Variants in NRXN1 observed in about 807,000 individuals in gnomAD.
NRXN1 encodes neurexin 1.
NRXN1 carries 39 observed loss-of-function variants against 150.9 expected under a neutral mutation model. That is an observed-to-expected ratio of 0.26 (90% CI 0.20 to 0.34). The LOEUF is 0.34. Among genes scored for constraint, NRXN1 ranks in the 10% least tolerant of loss-of-function variants. NRXN1 has a pLI of 1.00. For missense variants in NRXN1, 1,815 were observed against 1,949.9 expected (o/e 0.93, Z 1.30); for synonymous variants, 924 against 757.0 (o/e 1.22, Z -3.62).
intron 5 of NRXN1, among the ~76,000 whole-genome samples, chr2:50,692,628 C>T (rs948826503): frequency 2.6e-5 from 4 of 152,102 alleles, no homozygotes; most frequent in African/African-American, 9.7e-5. Context: ...CAACAAAAAG[C>T]TATTTTTGTA....
chr2:50,001,183 T>G (rs1248520716), intron 21 of NRXN1, among the ~76,000 whole-genome samples: 1 of 152,140 alleles, frequency 6.6e-6, no homozygotes, highest in Non-Finnish European at 1.5e-5. Context: ...ATCTCTAATT[T>G]CAGATTTCAG....
intron 2 of NRXN1, among the ~76,000 whole-genome samples, chr2:50,926,213 A>G (rs1457485679): frequency 6.6e-6 from 1 of 151,976 alleles, no homozygotes; most frequent in Non-Finnish European, 1.5e-5. Flanking sequence ...AAATCTTTCA[A>G]CTACCCAGTA....
intron 18 of NRXN1, among the ~76,000 whole-genome samples, chr2:50,100,453 T>G (rs2152709366): frequency 6.6e-6 from 1 of 152,222 alleles, no homozygotes; most frequent in South Asian, 2.1e-4. Context: ...TTTAGTCCAC[T>G]AAGTGACTGG....
At chr2:50,674,212 G>C (rs902361633) in intron 5 of NRXN1, among the ~76,000 whole-genome samples, 5 of 152,160 alleles carry the variant, frequency 3.3e-5, no homozygotes, top group Non-Finnish European at 7.3e-5. Context: ...ATATTGCCTG[G>C]AAGGGTAAAG....
At chr2:50,617,435 TAAA>T (rs879749052) in intron 8 of NRXN1, among the ~76,000 whole-genome samples, 2 of 139,128 alleles carry the variant, frequency 1.4e-5, no homozygotes, top group Non-Finnish European at 1.6e-5. Flanking sequence ...CTCCATCTCT[TAAA>T]AAAAAAAAAA....
At chr2:49,999,391 G>A (rs1683535060) in intron 21 of NRXN1, among the ~76,000 whole-genome samples, 1 of 151,808 alleles carries the variant, frequency 6.6e-6, no homozygotes, top group South Asian at 2.1e-4. Context: ...CTCTCTTATG[G>A]AATTTATATA....
intron 17 of NRXN1, among the ~76,000 whole-genome samples, chr2:50,333,684 A>G (rs1378707477): frequency 6.6e-6 from 1 of 151,902 alleles, no homozygotes. Flanking sequence ...AAGACAGCAG[A>G]ATGGATTTGA....
intron 18 of NRXN1, among the ~76,000 whole-genome samples, chr2:50,151,252 C>T (rs1461097133): frequency 2.0e-5 from 3 of 151,692 alleles, no homozygotes; most frequent in Admixed American, 6.6e-5. Context: ...AAATCTCCCC[C>T]TTTGCTTAAA....
intron 2 of NRXN1, among the ~76,000 whole-genome samples, chr2:50,962,970 G>T (rs1011098778): frequency 3.3e-5 from 5 of 151,506 alleles, no homozygotes; most frequent in African/African-American, 1.2e-4. Context: ...TGTTGTCTAG[G>T]GATTAAGGAA....
intron 22 of NRXN1, among the ~76,000 whole-genome samples, chr2:49,935,148 A>C (rs1024595852): frequency 2.6e-5 from 4 of 152,192 alleles, no homozygotes; most frequent in African/African-American, 9.7e-5. Context: ...CTTTAGATGC[A>C]TTGTCTCATT....
chr2:50,492,367 T>C (rs369917128), intron 15 of NRXN1, among the ~76,000 whole-genome samples: 1 of 152,196 alleles, frequency 6.6e-6, no homozygotes, highest in African/African-American at 2.4e-5. Flanking sequence ...GCCAGCTGCA[T>C]GGAATTTATC....
intron 8 of NRXN1, among the ~76,000 whole-genome samples, chr2:50,584,666 G>A (rs915299301): frequency 3.3e-5 from 5 of 152,110 alleles, no homozygotes; most frequent in Non-Finnish European, 2.9e-5. Flanking sequence ...TAGTTTAAGG[G>A]TTCTGTTACC....
At chr2:50,197,619 A>G (rs2061861062) in intron 18 of NRXN1, among the ~76,000 whole-genome samples, 1 of 152,064 alleles carries the variant, frequency 6.6e-6, no homozygotes, top group Non-Finnish European at 1.5e-5. Context: ...ATCCTTGATA[A>G]CTTCCTTCTA....
At chr2:50,823,989 C>T (rs1292086814) in intron 5 of NRXN1, among the ~76,000 whole-genome samples, 1 of 152,136 alleles carries the variant, frequency 6.6e-6, no homozygotes, top group African/African-American at 2.4e-5. Flanking sequence ...CCCAACAATG[C>T]CTCACACACA....
At chr2:50,429,276 A>T (rs1308950946) in intron 17 of NRXN1, among the ~76,000 whole-genome samples, 2 of 151,858 alleles carry the variant, frequency 1.3e-5, no homozygotes, top group African/African-American at 4.8e-5. Context: ...TTTTCTTTTG[A>T]GACGGAGTCC....
chr2:50,891,120 T>A (rs1472956873), intron 5 of NRXN1, among the ~76,000 whole-genome samples: 1 of 152,026 alleles, frequency 6.6e-6, no homozygotes, highest in Non-Finnish European at 1.5e-5. Flanking sequence ...AAACAGTCTG[T>A]CAGTAACTAT....
chr2:50,596,609 T>C (rs1675249974), intron 8 of NRXN1, among the ~76,000 whole-genome samples: 1 of 152,202 alleles, frequency 6.6e-6, no homozygotes. Context: ...TTCACAGTAA[T>C]TTTATTACAA....
At chr2:50,759,746 A>G (rs1236284831) in intron 5 of NRXN1, among the ~76,000 whole-genome samples, 1 of 151,772 alleles carries the variant, frequency 6.6e-6, no homozygotes, top group Non-Finnish European at 1.5e-5. Flanking sequence ...AGCAGTGGTG[A>G]GAACCACTGT....
intron 17 of NRXN1, among the ~76,000 whole-genome samples, chr2:50,358,137 G>A (rs2078951715): frequency 6.6e-6 from 1 of 152,132 alleles, no homozygotes; most frequent in African/African-American, 2.4e-5. Flanking sequence ...TGGGTTTCAA[G>A]CACAAAACTA....
Sources: gnomAD v4.1 joint callset for allele counts (sites outside exome capture counted in the v4.1 genomes callset) on GRCh38, gnomAD v4.1.1 for gene constraint, MANE v1.5 for transcripts, NCBI Gene and HGNC (gene_info 2026-07-23, HGNC 2026-07-21) for gene names.